Variants in CSMD1 observed in about 807,000 individuals in gnomAD.
CSMD1 encodes CUB and Sushi multiple domains 1, also known as CUB and sushi domain-containing protein 1.
CSMD1 carries 213 observed loss-of-function variants against 417.5 expected under a neutral mutation model. The observed-to-expected ratio is 0.51, with a 90% CI of 0.46 to 0.57. The LOEUF is 0.57. CSMD1 is among the 20% of genes least tolerant of loss of function. The pLI, the probability that CSMD1 is intolerant of heterozygous loss-of-function variation, is 0.00. For synonymous variants in CSMD1, 2,862 were observed against 1,736.8 expected (o/e 1.65, Z -16.11); for missense variants, 6,923 against 4,529.7 (o/e 1.53, Z -15.17).
chr8:4,496,171 A>G (rs1270511329), intron 2 of CSMD1, among the ~76,000 whole-genome samples: 1 of 152,240 alleles, frequency 6.6e-6, no homozygotes, highest in Non-Finnish European at 1.5e-5. Context: ...CATACTATGA[A>G]GAGAAAATTT....
At position 4,968,908 on chromosome 8, in the gene CSMD1, C is replaced by G. The variant is rs1810059220; in HGVS notation, c.85+25424G>C. 2.0e-5 allele frequency among the ~76,000 whole-genome samples: 3 copies of G among 152,188 alleles called. No individual in the cohort carries two copies. In the East Asian group the frequency reaches 5.8e-4, roughly 29 times the overall value. On this transcript the variant is annotated intron_variant, in intron 1 of 69. Transcript: ENST00000635120. ...CTGTCTCTCGGGTTGCCACCAACTA[C>G]TGCAATGCTCAGCCCAAACATTTTG...
intron 21 of CSMD1, among the ~76,000 whole-genome samples, chr8:3,357,271 G>T (rs1017112200): frequency 3.9e-5 from 6 of 152,202 alleles, no homozygotes; most frequent in East Asian, 3.9e-4. Context: ...GTGGTTAAAG[G>T]CTGAGTTGCA....
intron 5 of CSMD1, among the ~76,000 whole-genome samples, chr8:3,850,724 AT>A (rs1487005502): frequency 1.4e-4 from 21 of 152,188 alleles, no homozygotes; most frequent in Admixed American, 8.5e-4. Context: ...ACATAAAAAA[AT>A]AAAACAATAA....
chr8:3,840,360 G>A lies in CSMD1; in HGVS notation c.819-86318C>T, dbSNP rs531249578. Among the ~76,000 whole-genome samples, 25 of 152,214 alleles carry A rather than the reference G, an allele frequency of 1.6e-4. 1 individual carries two copies. The South Asian group carries it at 4.8e-3, about 29-fold the overall frequency. On this transcript the variant is annotated intron_variant, in intron 5 of 69. Coordinates refer to ENST00000635120, the MANE Select transcript of CSMD1 (RefSeq NM_033225.6). ...CAGAAATATCCTTGAAAACTCTAGT[G>A]CACAAATATGCTGAGGGAGAATAAT...
intron 3 of CSMD1, among the ~76,000 whole-genome samples, chr8:4,118,095 G>C (rs1322339157): frequency 6.6e-6 from 1 of 152,078 alleles, no homozygotes; most frequent in Non-Finnish European, 1.5e-5. Context: ...AAATTATAAG[G>C]CTTGTGTGTT....
chr8:3,866,387 T>C (rs1388495380), intron 5 of CSMD1, among the ~76,000 whole-genome samples: 1 of 152,220 alleles, frequency 6.6e-6, no homozygotes, highest in Non-Finnish European at 1.5e-5. Context: ...TCATTTACCA[T>C]TGCTTAGCTC....
At chr8:4,471,433 T>C (rs1439039795) in intron 2 of CSMD1, among the ~76,000 whole-genome samples, 1 of 152,148 alleles carries the variant, frequency 6.6e-6, no homozygotes, top group Non-Finnish European at 1.5e-5. Flanking sequence ...GTGCAGCACG[T>C]AGCTGTCAGC....
In CSMD1 at chr8:4,912,135, A is replaced by AAAAAAAAAAAAAAAAAAAAAAAAAG. The variant is rs765904838; in HGVS notation, c.85+82196_85+82197insCTTTTTTTTTTTTTTTTTTTTTTTT. ...TCAACATAGCTTCAAAAAAAAAAAA[A>AAAAAAAAAAAAAAAAAAAAAAAAAG]AAAAAAGAAAGAAAGAAAAGAAAAG... On this transcript the variant is annotated intron_variant, in intron 1 of 69. Transcript: ENST00000635120. 1.8e-3 allele frequency among the ~76,000 whole-genome samples: 207 copies of AAAAAAAAAAAAAAAAAAAAAAAAAG among 115,388 alleles called. 1 individual carries two copies. The highest frequency in any genetic ancestry group is 3.1e-3 in the Non-Finnish European group (162 of 52,334). 75.7% of individuals were successfully genotyped at this position (115,388 alleles called of 152,430 possible).
At chr8:4,238,396 T>C (rs1802193298) in intron 3 of CSMD1, among the ~76,000 whole-genome samples, 1 of 152,148 alleles carries the variant, frequency 6.6e-6, no homozygotes, top group Non-Finnish European at 1.5e-5. Context: ...AACTCCGCCC[T>C]GAGCACACAT....
intron 5 of CSMD1, among the ~76,000 whole-genome samples, chr8:3,947,072 A>G (rs1394935161): frequency 1.3e-5 from 2 of 152,172 alleles, no homozygotes; most frequent in South Asian, 2.1e-4. Flanking sequence ...TACATGTTGA[A>G]TAGTTGTAAA....
chr8:4,180,196 G>T (rs1345817968), intron 3 of CSMD1, among the ~76,000 whole-genome samples: 1 of 151,986 alleles, frequency 6.6e-6, no homozygotes, highest in African/African-American at 2.4e-5. Context: ...AACAATGATA[G>T]ACTGGATTAA....
intron 50 of CSMD1, among the ~76,000 whole-genome samples, chr8:3,042,072 A>G (rs1466386659): frequency 3.3e-5 from 5 of 152,012 alleles, no homozygotes; most frequent in Admixed American, 1.3e-4. Flanking sequence ...TCATCACACA[A>G]TGGTTTCCAG....
intron 3 of CSMD1, among the ~76,000 whole-genome samples, chr8:4,247,714 T>A (rs1802798599): frequency 6.6e-6 from 1 of 152,292 alleles, no homozygotes; most frequent in African/African-American, 2.4e-5. Flanking sequence ...GTACACATAC[T>A]ATAACGCCCT....
At chr8:4,049,740 A>T (rs1563056133) in intron 3 of CSMD1, among the ~76,000 whole-genome samples, 1 of 152,200 alleles carries the variant, frequency 6.6e-6, no homozygotes. Context: ...TTTAAAGTTT[A>T]AAAATAGTAG....
intron 3 of CSMD1, among the ~76,000 whole-genome samples, chr8:4,244,286 C>T (rs1434116439): frequency 1.3e-5 from 2 of 152,058 alleles, no homozygotes; most frequent in South Asian, 2.1e-4. Flanking sequence ...CCCGGGTCTT[C>T]GGGAAACACT....
At chr8:4,063,317 T>C (rs778284510) in intron 3 of CSMD1, among the ~76,000 whole-genome samples, 12 of 151,752 alleles carry the variant, frequency 7.9e-5, no homozygotes, top group Non-Finnish European at 1.6e-4. Flanking sequence ...ATGTAAAAAA[T>C]AATTTAAAGA....
At chr8:3,418,600 G>C (rs1231329046) in intron 12 of CSMD1, among the ~76,000 whole-genome samples, 1 of 152,136 alleles carries the variant, frequency 6.6e-6, no homozygotes, top group Non-Finnish European at 1.5e-5. Context: ...ATCCAACAAT[G>C]TCCTGTGTCT....
intron 1 of CSMD1, among the ~76,000 whole-genome samples, chr8:4,929,444 C>A (rs1807088433): frequency 6.6e-6 from 1 of 152,230 alleles, no homozygotes; most frequent in South Asian, 2.1e-4. Context: ...AAGTTTAATT[C>A]ACAAAGATAT....
At chr8:4,357,143 A>G (rs1801475583) in intron 3 of CSMD1, among the ~76,000 whole-genome samples, 2 of 152,336 alleles carry the variant, frequency 1.3e-5, no homozygotes, top group South Asian at 2.1e-4. Flanking sequence ...TCACTTTGGT[A>G]TATGATCTCA....
Sources: gnomAD v4.1 joint callset for allele counts (sites outside exome capture counted in the v4.1 genomes callset) on GRCh38, gnomAD v4.1.1 for gene constraint, MANE v1.5 for transcripts, NCBI Gene and HGNC (gene_info 2026-07-23, HGNC 2026-07-21) for gene names.